FAAH2: variants seen among roughly 807,000 people sequenced by gnomAD.
The protein encoded by FAAH2 is fatty-acid amide hydrolase 2.
FAAH2 carries 60 observed loss-of-function variants against 36.9 expected under a neutral mutation model. That is an observed-to-expected ratio of 1.63 (90% CI 1.32 to 2.02). FAAH2 has a LOEUF of 2.02. FAAH2 is among the 30% of genes most tolerant of loss of function. The pLI is 0.00. For synonymous variants in FAAH2, 214 were observed against 143.8 expected (o/e 1.49, Z -3.49); for missense variants, 689 against 397.5 (o/e 1.73, Z -6.23).
At chrX:57,408,805 T>C (rs1269876250) in intron 7 of FAAH2, among the ~76,000 whole-genome samples, 2 of 111,630 alleles carry the variant, frequency 1.8e-5, no homozygotes, top group Non-Finnish European at 3.8e-5. Context: ...TGTATTTTTC[T>C]TTACATGTAA....
chrX:57,207,322 T>G, the FAAH2 span, among the ~76,000 whole-genome samples: 2 of 111,316 alleles, frequency 1.8e-5, no homozygotes, highest in African/African-American at 6.5e-5. Flanking sequence ...TATAACTACT[T>G]TGGTATATTT....
intron 10 of FAAH2, among the ~76,000 whole-genome samples, chrX:57,466,860 T>A (rs1297794851): frequency 9.0e-6 from 1 of 111,155 alleles, no homozygotes; most frequent in Non-Finnish European, 1.9e-5. Context: ...AGGCAACCAT[T>A]GTGGATGTAG....
the FAAH2 span, among the ~76,000 whole-genome samples, chrX:57,194,240 G>C: frequency 9.0e-6 from 1 of 111,052 alleles, no homozygotes; most frequent in African/African-American, 3.3e-5. Context: ...TTTATTCCGG[G>C]TTCAATCTTG....
chrX:57,290,026 G>C (rs770232921), intron 1 of FAAH2, among the ~76,000 whole-genome samples: 3 of 111,504 alleles, frequency 2.7e-5, no homozygotes, highest in Non-Finnish European at 5.7e-5. Flanking sequence ...TGTGACTTTG[G>C]TTAAGTCACT....
the FAAH2 span, among the ~76,000 whole-genome samples, chrX:57,246,932 C>T: frequency 9.0e-6 from 1 of 111,431 alleles, no homozygotes; most frequent in African/African-American, 3.3e-5. Context: ...GTCAGTGTGG[C>T]TGAAAACAGC....
chrX:57,189,894 C>A, the FAAH2 span, among the ~76,000 whole-genome samples: 1 of 112,239 alleles, frequency 8.9e-6, no homozygotes, highest in Non-Finnish European at 1.9e-5. Flanking sequence ...GGCTGTCTGT[C>A]CCTTAGCAGA....
At chrX:57,314,972 C>T (rs981777883) in intron 3 of FAAH2, among the ~76,000 whole-genome samples, 1 of 110,052 alleles carries the variant, frequency 9.1e-6, no homozygotes, top group Non-Finnish European at 1.9e-5. Context: ...AAAATCTATA[C>T]AAAAGATCAA....
At chrX:57,146,937 G>A in the FAAH2 span, among the ~76,000 whole-genome samples, 1 of 111,572 alleles carries the variant, frequency 9.0e-6, no homozygotes, top group Non-Finnish European at 1.9e-5. Flanking sequence ...GGTGGATTAT[G>A]TTTTTGATAT....
chrX:57,389,352 C>G (rs1307903991), intron 7 of FAAH2, among the ~76,000 whole-genome samples: 3 of 105,585 alleles, frequency 2.8e-5, no homozygotes, highest in African/African-American at 1.0e-4. Flanking sequence ...TTTGTACCCT[C>G]TGACCAATAT....
At chrX:57,124,375 G>A in the FAAH2 span, among the ~76,000 whole-genome samples, 4 of 111,459 alleles carry the variant, frequency 3.6e-5, no homozygotes, top group South Asian at 3.7e-4. Flanking sequence ...CTCTGTTTTG[G>A]TACCAGTACC....
intron 5 of FAAH2, among the ~76,000 whole-genome samples, chrX:57,368,506 A>G (rs901217453): frequency 7.2e-5 from 8 of 111,571 alleles, no homozygotes; most frequent in African/African-American, 2.6e-4. Flanking sequence ...GGAACAACAC[A>G]CATATGAATG....
the FAAH2 span, among the ~76,000 whole-genome samples, chrX:57,247,937 G>T: frequency 8.9e-6 from 1 of 112,068 alleles, no homozygotes; most frequent in Non-Finnish European, 1.9e-5. Flanking sequence ...TTCTTCAACA[G>T]AATTTCTATT....
At chrX:57,267,148 C>T in the FAAH2 span, among the ~76,000 whole-genome samples, 1 of 112,691 alleles carries the variant, frequency 8.9e-6, no homozygotes, top group African/African-American at 3.2e-5. Context: ...GTGCACCAGC[C>T]TGCACATTCC....
At chrX:57,375,486 C>T (rs1209474051) in intron 5 of FAAH2, among the ~76,000 whole-genome samples, 8 of 107,967 alleles carry the variant, frequency 7.4e-5, no homozygotes, top group African/African-American at 2.0e-4. Flanking sequence ...TTTTCCATCT[C>T]CTCTATGTTT....
At chrX:57,251,870 G>A in the FAAH2 span, among the ~76,000 whole-genome samples, 6 of 111,827 alleles carry the variant, frequency 5.4e-5, no homozygotes, top group Non-Finnish European at 1.1e-4. Context: ...GCCCATGGAA[G>A]GTGAGCCAAA....
chrX:57,424,403 C>T (rs1428115977), intron 7 of FAAH2, among the ~76,000 whole-genome samples: 2 of 111,982 alleles, frequency 1.8e-5, no homozygotes, highest in South Asian at 3.7e-4. Context: ...TGGCTCTTAC[C>T]TGTAAGCAAC....
chrX:57,400,810 G>A (rs1052438605), intron 7 of FAAH2, among the ~76,000 whole-genome samples: 6 of 112,387 alleles, frequency 5.3e-5, no homozygotes, highest in Non-Finnish European at 1.1e-4. Flanking sequence ...GTAGCCACAG[G>A]TGGCAAGGAA....
chrX:57,250,045 G>A, the FAAH2 span, among the ~76,000 whole-genome samples: 36 of 111,836 alleles, frequency 3.2e-4, no homozygotes, highest in African/African-American at 1.1e-3. Flanking sequence ...TAAAACAAAG[G>A]CCATAGACAT....
At chrX:57,368,318 G>C (rs1205278091) in intron 5 of FAAH2, among the ~76,000 whole-genome samples, 2 of 107,200 alleles carry the variant, frequency 1.9e-5, no homozygotes, top group African/African-American at 6.8e-5. Flanking sequence ...CACCCTCAGT[G>C]GACAAACTAG....
Sources: allele counts gnomAD v4.1 joint callset (sites outside exome capture counted in the v4.1 genomes callset), GRCh38; gene constraint gnomAD v4.1.1; transcripts MANE v1.5; gene names NCBI Gene and HGNC (gene_info 2026-07-23, HGNC 2026-07-21).